The following PKIG variants were observed in gnomAD, a reference collection of about 807,000 sequenced individuals.
The protein encoded by PKIG is protein kinase (cAMP-dependent, catalytic) inhibitor gamma.
PKIG carries 1 observed loss-of-function variant against 6.8 expected under a neutral mutation model. The observed-to-expected ratio is 0.15, with a 90% confidence interval of 0.05 to 0.69. The LOEUF is 0.69. Among genes scored for constraint, PKIG ranks in the 30% least tolerant of loss-of-function variants. PKIG has a pLI of 0.82. For missense variants in PKIG, 77 were observed against 104.0 expected (o/e 0.74, Z 1.13); for synonymous variants, 39 against 43.0 (o/e 0.91, Z 0.36).
At chr20:44,555,410 G>A (rs961906725) in intron 1 of PKIG, among the ~76,000 whole-genome samples, 47 of 152,250 alleles carry the variant, frequency 3.1e-4, no homozygotes, top group African/African-American at 1.0e-3. Flanking sequence ...AAATTCTATA[G>A]GTTTTATGTA....
At chr20:44,540,646 TCGA>T (rs2064553081) in intron 1 of PKIG, among the ~76,000 whole-genome samples, 1 of 152,066 alleles carries the variant, frequency 6.6e-6, no homozygotes, top group Non-Finnish European at 1.5e-5. Context: ...TGGCATGATG[TCGA>T]CTCACTGCAA....
intron 1 of PKIG, among the ~76,000 whole-genome samples, chr20:44,565,651 C>T (rs2064804157): frequency 6.6e-6 from 1 of 152,200 alleles, no homozygotes; most frequent in Non-Finnish European, 1.5e-5. Context: ...GCAGTTAGCC[C>T]ATTCATAATC....
intron 1 of PKIG, among the ~76,000 whole-genome samples, chr20:44,555,253 G>A (rs61210529): frequency 0.011 from 1,705 of 152,290 alleles, 17 homozygotes; most frequent in East Asian, 0.064. Flanking sequence ...TGTATTGAGA[G>A]ATGTGTGTAT....
chr20:44,606,805 T>A (rs968475220), intron 2 of PKIG, among the ~76,000 whole-genome samples: 6 of 152,178 alleles, frequency 3.9e-5, no homozygotes, highest in Non-Finnish European at 7.4e-5. Flanking sequence ...CAAGACTCCA[T>A]CAAATAAATA....
chr20:44,563,314 A>G (rs1051307246), intron 1 of PKIG, among the ~76,000 whole-genome samples: 12 of 152,250 alleles, frequency 7.9e-5, no homozygotes, highest in South Asian at 2.1e-4. Flanking sequence ...GCACAATCCA[A>G]TATTTTACTT....
intron 2 of PKIG, among the ~76,000 whole-genome samples, chr20:44,605,886 T>A (rs1442108673): frequency 6.6e-6 from 1 of 152,180 alleles, no homozygotes; most frequent in Non-Finnish European, 1.5e-5. Context: ...CACTCCAGCC[T>A]GGGTGACTCC....
At chr20:44,588,204 T>C (rs560187052) in intron 1 of PKIG, among the ~76,000 whole-genome samples, 1 of 152,244 alleles carries the variant, frequency 6.6e-6, no homozygotes, top group Non-Finnish European at 1.5e-5. Context: ...GGCAAGGTGA[T>C]AGGTGGATGA....
chr20:44,603,391 AG>A (rs984831283), intron 2 of PKIG, among the ~76,000 whole-genome samples: 1 of 152,158 alleles, frequency 6.6e-6, no homozygotes, highest in Non-Finnish European at 1.5e-5. Context: ...CCTGAACTGC[AG>A]GGTGTGACTG....
At chr20:44,554,320 G>A (rs2064694993) in intron 1 of PKIG, among the ~76,000 whole-genome samples, 1 of 152,046 alleles carries the variant, frequency 6.6e-6, no homozygotes, top group African/African-American at 2.4e-5. Context: ...GGCCTCAAGT[G>A]ATTCACCCAC....
rs1292319742 is a variant in PKIG at position 44,589,801 on chromosome 20, C to G, written c.-89C>G. Reference sequence around the variant, plus strand: ...GTTTTTCTTCTGGTTCCTTAGAATTCCCGTACTGATTAGTCAACAGTGGAA... The same window carrying G: ...GTTTTTCTTCTGGTTCCTTAGAATTGCCGTACTGATTAGTCAACAGTGGAA... On this transcript the variant is annotated 5_prime_UTR_variant, in exon 2 of 4. Coordinates refer to ENST00000372886, the MANE Select transcript of PKIG (RefSeq NM_001281445.2). The G allele has an allele frequency of 6.6e-6, 1 of 152,250 alleles. No individual in the cohort carries two copies. Among genetic ancestry groups the G allele is most frequent in the Non-Finnish European group, 1.5e-5 (1 of 68,028 alleles). The allele number at this position is 152,250 out of a possible 1,614,324, so 9.4% of individuals were successfully genotyped here. A position where few individuals can be genotyped will look rare whatever the true frequency, so the allele number is the denominator to read the frequency against.
chr20:44,602,668 A>G (rs1411193492), intron 2 of PKIG, among the ~76,000 whole-genome samples: 1 of 151,378 alleles, frequency 6.6e-6, no homozygotes. Context: ...CCCCATCTCT[A>G]TTAAAAATAC....
chr20:44,613,043 C>G (rs1400498162), intron 2 of PKIG, among the ~76,000 whole-genome samples: 1 of 152,168 alleles, frequency 6.6e-6, no homozygotes, highest in Non-Finnish European at 1.5e-5. Flanking sequence ...GGTATGGTCC[C>G]AAATCATTTC....
At chr20:44,557,049 A>G (rs992610218) in intron 1 of PKIG, among the ~76,000 whole-genome samples, 2 of 152,220 alleles carry the variant, frequency 1.3e-5, no homozygotes, top group Non-Finnish European at 1.5e-5. Context: ...GGGGCCATGC[A>G]TCTATCTATT....
At chr20:44,586,730 A>G (rs2064993041) in intron 1 of PKIG, among the ~76,000 whole-genome samples, 1 of 152,226 alleles carries the variant, frequency 6.6e-6, no homozygotes, top group South Asian at 2.1e-4. Flanking sequence ...TCATGACCCT[A>G]GGCTGAGCTC....
At chr20:44,599,634 A>G (rs2065103830) in intron 2 of PKIG, among the ~76,000 whole-genome samples, 1 of 152,158 alleles carries the variant, frequency 6.6e-6, no homozygotes, top group Admixed American at 6.5e-5. Flanking sequence ...AGGCAGGAGA[A>G]TCGCTTGAAC....
At chr20:44,567,777 C>G (rs752483162) in intron 1 of PKIG, among the ~76,000 whole-genome samples, 1 of 152,220 alleles carries the variant, frequency 6.6e-6, no homozygotes, top group African/African-American at 2.4e-5. Context: ...TGAGACTGTT[C>G]CCGGCTGACA....
At chr20:44,582,363 G>GC (rs1328128134), upstream of PKIG, among the ~76,000 whole-genome samples, 1 of 152,174 alleles carries the variant, frequency 6.6e-6, no homozygotes, top group African/African-American at 2.4e-5. Flanking sequence ...AAAATTGAAG[G>GC]AAGGATATTA....
Position 44,614,327 on chromosome 20 carries a change from C to A in PKIG, c.-23-207C>A. ...TTAAAGAAAAGTCTGAGCCCATGTT[C>A]TTTAAAATGTTGATGGTGGTTGTCT... On this transcript the variant is annotated intron_variant, in intron 2 of 3. Transcript: ENST00000372886. The surrounding 1 kb of genome is among the most constrained non-coding windows in gnomAD (Gnocchi z 4.6). 1 of 492,258 alleles carries A rather than the reference C, an allele frequency of 2.0e-6. No homozygotes were observed. 30.5% of individuals were successfully genotyped at this position (492,258 alleles called of 1,614,324 possible).
intron 2 of PKIG, among the ~76,000 whole-genome samples, chr20:44,603,586 G>A (rs2065139998): frequency 6.6e-6 from 1 of 152,190 alleles, no homozygotes; most frequent in Non-Finnish European, 1.5e-5. Flanking sequence ...TCTGGACCGG[G>A]AGTTAGGACC....
Sources: allele counts gnomAD v4.1 joint callset (sites outside exome capture counted in the v4.1 genomes callset), GRCh38; gene constraint gnomAD v4.1.1; non-coding constraint Gnocchi (gnomAD v3.1); transcripts MANE v1.5; gene names NCBI Gene and HGNC (gene_info 2026-07-23, HGNC 2026-07-21).